NFIB: variants seen among roughly 807,000 people sequenced by gnomAD.
NFIB encodes the protein nuclear factor 1 B-type.
A neutral mutation model predicts 61.5 loss-of-function variants in NFIB; 11 were observed. That is an observed-to-expected ratio of 0.18 (90% CI 0.11 to 0.30). The LOEUF (loss-of-function observed/expected upper bound fraction) is 0.30, where lower values mean the gene tolerates loss of function less well. Among genes scored for constraint, NFIB ranks in the 10% least tolerant of loss-of-function variants. The pLI is 1.00. For missense variants in NFIB, 471 were observed against 608.9 expected (o/e 0.77, Z 2.38); for synonymous variants, 260 against 216.5 (o/e 1.20, Z -1.76).
chr9:14,107,041 T>C (rs1389857385), intron 10 of NFIB, among the ~76,000 whole-genome samples: 4 of 152,090 alleles, frequency 2.6e-5, no homozygotes, highest in Admixed American at 2.6e-4. Flanking sequence ...TTATGTTTTC[T>C]TGTGTTTCTT....
intron 2 of NFIB, among the ~76,000 whole-genome samples, chr9:14,268,662 T>C (rs142062805): frequency 9.7e-4 from 148 of 152,372 alleles, no homozygotes; most frequent in African/African-American, 3.3e-3. Context: ...TCTTTTTATG[T>C]ATCTGTGTGG....
chr9:14,412,813 A>G, the NFIB span, among the ~76,000 whole-genome samples: 1 of 152,208 alleles, frequency 6.6e-6, no homozygotes, highest in Non-Finnish European at 1.5e-5. Context: ...GGGGTGGGGT[A>G]TGGAGCTTTT....
chr9:14,293,679 T>C (rs1418488919), intron 2 of NFIB, among the ~76,000 whole-genome samples: 1 of 152,214 alleles, frequency 6.6e-6, no homozygotes, highest in Non-Finnish European at 1.5e-5. Flanking sequence ...TCTACTTCCC[T>C]TTCTCTAGGA....
chr9:14,472,795 C>T, the NFIB span, among the ~76,000 whole-genome samples: 2 of 151,698 alleles, frequency 1.3e-5, no homozygotes, highest in Non-Finnish European at 2.9e-5. Flanking sequence ...GAGCCGAGAT[C>T]GAGCCAACGC....
chr9:14,417,935 G>A, the NFIB span, among the ~76,000 whole-genome samples: 2 of 151,682 alleles, frequency 1.3e-5, no homozygotes, highest in African/African-American at 2.4e-5. Flanking sequence ...TGCCCCCCAC[G>A]CCCAGCTAAT....
chr9:14,146,608 A>G, intron 6 of NFIB, 81 bp downstream of exon 6: 2 of 1,590,130 alleles, frequency 1.3e-6, no homozygotes, highest in Non-Finnish European at 1.7e-6. Context: ...TGGTTTAATT[A>G]TGAAATTTTG....
At chr9:14,491,785 G>C in the NFIB span, among the ~76,000 whole-genome samples, 98 of 152,036 alleles carry the variant, frequency 6.4e-4, no homozygotes, top group African/African-American at 2.3e-3. Context: ...GATGAGATGT[G>C]GCTTCTATTT....
At chr9:14,477,875 A>G in the NFIB span, among the ~76,000 whole-genome samples, 2 of 152,138 alleles carry the variant, frequency 1.3e-5, no homozygotes, top group African/African-American at 4.8e-5. Context: ...TTTGGCAAAA[A>G]ATAGTTCTTC....
chr9:14,181,195 A>C (rs569917995), intron 2 of NFIB, among the ~76,000 whole-genome samples: 1 of 152,242 alleles, frequency 6.6e-6, no homozygotes, highest in East Asian at 1.9e-4. Flanking sequence ...GTTAGCTTAG[A>C]TTTAATGCTG....
At chr9:14,438,754 G>C in the NFIB span, among the ~76,000 whole-genome samples, 4 of 152,148 alleles carry the variant, frequency 2.6e-5, no homozygotes, top group East Asian at 5.8e-4. Context: ...CCTCGTGAGC[G>C]GGGGCTGATC....
At chr9:14,354,566 G>A (rs1443584823) in intron 1 of NFIB, among the ~76,000 whole-genome samples, 1 of 152,150 alleles carries the variant, frequency 6.6e-6, no homozygotes, top group East Asian at 1.9e-4. Flanking sequence ...GGGGCTACAT[G>A]GTTGGGTTTC....
At chr9:14,392,939 C>G (rs930286674) in intron 1 of NFIB, among the ~76,000 whole-genome samples, 1 of 152,130 alleles carries the variant, frequency 6.6e-6, no homozygotes, top group South Asian at 2.1e-4. Flanking sequence ...AAGAAAGATC[C>G]GATAACTTCC....
chr9:14,417,256 ATACT>A, the NFIB span, among the ~76,000 whole-genome samples: 2 of 152,148 alleles, frequency 1.3e-5, no homozygotes, highest in African/African-American at 4.8e-5. Context: ...AGGTACACAA[ATACT>A]TACCATTGTG....
the NFIB span, among the ~76,000 whole-genome samples, chr9:14,508,750 T>C: frequency 5.3e-5 from 8 of 152,326 alleles, no homozygotes; most frequent in East Asian, 1.4e-3. Context: ...TTGGACTCCA[T>C]AAACCAAAAA....
rs140172574 is a variant in NFIB, at chr9:14,225,926, C to A, written c.563-46146G>T. Among the ~76,000 whole-genome samples the A allele has an allele frequency of 5.5e-3, 844 of 152,224 alleles. 4 individuals carry two copies. Among genetic ancestry groups the A allele is most frequent in the African/African-American group, 0.012 (488 of 41,534 alleles). On this transcript the variant is annotated intron_variant, in intron 2 of 10. Transcript: ENST00000380953. ...TTCCTTTTGAAATCTGAATGAATCA[C>A]ATTTCAGAAAAATTCATTGAAATAT... is the stretch of plus-strand genomic sequence containing the variant.
intron 2 of NFIB, among the ~76,000 whole-genome samples, chr9:14,286,195 A>C (rs765741342): frequency 4.1e-4 from 62 of 152,336 alleles, no homozygotes; most frequent in Middle Eastern, 3.4e-3. Context: ...CATTAAGTGC[A>C]ATCATCTTCA....
At chr9:14,480,260 T>C in the NFIB span, among the ~76,000 whole-genome samples, 2 of 152,148 alleles carry the variant, frequency 1.3e-5, no homozygotes, top group Non-Finnish European at 2.9e-5. Context: ...GGCAATTACC[T>C]TGCCCAGAAT....
intron 2 of NFIB, among the ~76,000 whole-genome samples, chr9:14,276,047 T>C (rs1247395677): frequency 2.0e-5 from 3 of 152,152 alleles, no homozygotes; most frequent in Admixed American, 6.6e-5. Context: ...GAGAAGATGT[T>C]CACTAAGAAT....
At chr9:14,323,963 T>C (rs2060721188) in intron 1 of NFIB, among the ~76,000 whole-genome samples, 1 of 152,194 alleles carries the variant, frequency 6.6e-6, no homozygotes, top group Non-Finnish European at 1.5e-5. Context: ...TGCCCAACTT[T>C]AAAATAATTT....
Sources: gnomAD v4.1 joint callset for allele counts (sites outside exome capture counted in the v4.1 genomes callset) on GRCh38, gnomAD v4.1.1 for gene constraint, MANE v1.5 for transcripts, NCBI Gene and HGNC (gene_info 2026-07-23, HGNC 2026-07-21) for gene names.